The following CREB5 variants were observed in gnomAD, a reference collection of about 807,000 sequenced individuals.
CREB5 encodes cAMP responsive element binding protein 5.
CREB5 carries 19 observed loss-of-function variants against 57.1 expected under a neutral mutation model. The ratio of observed to expected loss-of-function variants is 0.33; its 90% confidence interval spans 0.23 to 0.49. The LOEUF (loss-of-function observed/expected upper bound fraction) is 0.49, where lower values mean the gene tolerates loss of function less well. Ranked by LOEUF, CREB5 falls within the 20% of genes least tolerant of loss-of-function variation. The pLI is 0.99. For missense variants in CREB5, 579 were observed against 671.6 expected, an observed-to-expected ratio of 0.86 and a Z score of 1.52; for synonymous variants, 238 against 238.3, an observed-to-expected ratio of 1.00 and a Z score of 0.01.
intron 1 of CREB5, among the ~76,000 whole-genome samples, chr7:28,431,982 C>T (rs79432029): frequency 0.24 from 30,150 of 124,772 alleles, 4,090 homozygotes; most frequent in South Asian, 0.34. Flanking sequence ...ACAGCTATGC[C>T]TTTTTTTTTT....
At chr7:28,394,054 G>A (rs1787284809) in intron 1 of CREB5, among the ~76,000 whole-genome samples, 1 of 118,490 alleles carries the variant, frequency 8.4e-6, no homozygotes, top group African/African-American at 3.5e-5. Flanking sequence ...CTGGGGGATG[G>A]AGCAAGACTC....
chr7:28,782,439 A>G (rs1807043254), intron 7 of CREB5, among the ~76,000 whole-genome samples: 1 of 152,220 alleles, frequency 6.6e-6, no homozygotes, highest in African/African-American at 2.4e-5. Flanking sequence ...AAATGAGATA[A>G]AATAAGTCAG....
At chr7:28,313,609 G>A (rs1221648063) in intron 1 of CREB5, among the ~76,000 whole-genome samples, 1 of 152,094 alleles carries the variant, frequency 6.6e-6, no homozygotes, top group Non-Finnish European at 1.5e-5. Context: ...TGTGTTTCGG[G>A]GATGGGAGAT....
chr7:28,440,433 T>A (rs758999856), intron 1 of CREB5, among the ~76,000 whole-genome samples: 4 of 152,180 alleles, frequency 2.6e-5, no homozygotes, highest in Admixed American at 6.5e-5. Context: ...TAATATCACA[T>A]GCTTATTGCC....
chr7:28,678,934 A>C lies in CREB5; in HGVS notation c.465-39819A>C, dbSNP rs371036710. Among the ~76,000 whole-genome samples the C allele has an allele frequency of 5.9e-5, 9 of 152,340 alleles. No individual in the cohort carries two copies. The East Asian group carries it at 1.3e-3, about 23-fold the overall frequency. ...AGTTATTAGATAGACACAGAGCTCT[A>C]CAGCTGGAATCCTTGTGGAAAGAAA... On this transcript the variant is annotated intron_variant, in intron 5 of 10. Transcript: ENST00000357727.
intron 7 of CREB5, among the ~76,000 whole-genome samples, chr7:28,803,899 T>G (rs1383330379): frequency 6.6e-6 from 1 of 152,122 alleles, no homozygotes; most frequent in Non-Finnish European, 1.5e-5. Context: ...GATTGGATAA[T>G]AGGAAATACC....
At chr7:28,460,810 G>C (rs55728574) in intron 1 of CREB5, among the ~76,000 whole-genome samples, 17,849 of 152,038 alleles carry the variant, frequency 0.12, 1,545 homozygotes, top group East Asian at 0.43. Context: ...CGGGGGAAGA[G>C]AGAGGAGAAA....
intron 1 of CREB5, among the ~76,000 whole-genome samples, chr7:28,473,395 G>A (rs1290707442): frequency 5.9e-5 from 9 of 152,138 alleles, no homozygotes. Context: ...CTCTTTCAGT[G>A]AACTCTCCAA....
At chr7:28,376,477 C>T (rs187973113) in intron 1 of CREB5, among the ~76,000 whole-genome samples, 1 of 152,012 alleles carries the variant, frequency 6.6e-6, no homozygotes, top group African/African-American at 2.4e-5. Context: ...GCCATGTTGG[C>T]CAGGCTGGTT....
intron 5 of CREB5, among the ~76,000 whole-genome samples, chr7:28,602,417 A>T (rs1450241973): frequency 6.6e-6 from 1 of 152,216 alleles, no homozygotes; most frequent in Non-Finnish European, 1.5e-5. Flanking sequence ...GACTATTTTA[A>T]AATAAAGGTG....
chr7:28,350,460 T>C (rs1055906252), intron 1 of CREB5, among the ~76,000 whole-genome samples: 3 of 152,048 alleles, frequency 2.0e-5, no homozygotes, highest in Admixed American at 1.3e-4. Flanking sequence ...TAAAACTTCA[T>C]AGGAGAGTAC....
At chr7:28,348,523 C>T (rs1285606637) in intron 1 of CREB5, among the ~76,000 whole-genome samples, 1 of 151,968 alleles carries the variant, frequency 6.6e-6, no homozygotes, top group African/African-American at 2.4e-5. Flanking sequence ...AGTAGGGACT[C>T]AATGCTTGGA....
intron 7 of CREB5, among the ~76,000 whole-genome samples, chr7:28,741,178 C>A (rs1804313087): frequency 6.6e-6 from 1 of 152,124 alleles, no homozygotes; most frequent in Admixed American, 6.5e-5. Flanking sequence ...CGTGCGCACT[C>A]ATGGGTGGTG....
rs770965206 is a variant in CREB5 at position 28,819,210 on chromosome 7, C to A, written c.1458C>A (p.Ser486Arg). The A allele has an allele frequency of 6.2e-7, 1 of 1,613,854 alleles. No individual in the cohort carries two copies. The highest frequency in any genetic ancestry group is 1.3e-5 in the African/African-American group (1 of 74,978). Residue 486 changes from serine to arginine, a missense_variant, in exon 11 of 11, where the codon AGC (serine) becomes AGA (arginine). Coordinates refer to ENST00000357727, the MANE Select transcript of CREB5 (RefSeq NM_182898.4). ...CCATCACTACTTCCTCATCGGTCAG[C>A]GAGGTGGTAGGAAGCTCCACCCTCA... Reference protein sequence around the residue: ...HNTITTSSSVSEVVGSSTLSQ... With the variant: ...HNTITTSSSVREVVGSSTLSQ...
intron 1 of CREB5, among the ~76,000 whole-genome samples, chr7:28,421,922 G>A (rs112937561): frequency 2.8e-5 from 1 of 35,342 alleles, no homozygotes; most frequent in African/African-American, 5.2e-5. Context: ...GTGTATGTGT[G>A]TGTATGTGTA....
intron 9 of CREB5, among the ~76,000 whole-genome samples, chr7:28,813,131 T>TG (rs1005467623): frequency 3.9e-5 from 6 of 152,136 alleles, no homozygotes; most frequent in Non-Finnish European, 5.9e-5. Context: ...GTTAGGGAAA[T>TG]GGGGGGTCTT....
intron 5 of CREB5, among the ~76,000 whole-genome samples, chr7:28,580,429 CCACACACACACACACA>C (rs70977058): frequency 1.5e-5 from 2 of 130,878 alleles, no homozygotes; most frequent in South Asian, 5.6e-4. Context: ...TCCCCCCCCA[CCACACACACACACACA>C]CACACACACA....
rs1470982160 is a variant in CREB5 at position 28,412,545 on chromosome 7, T to C, written c.-370T>C. 5.4e-6 allele frequency: 1 copy of C among 184,574 alleles called. No individual in the cohort carries two copies. Among genetic ancestry groups the C allele is most frequent in the Non-Finnish European group, 1.1e-5 (1 of 89,776 alleles). 11.4% of individuals were successfully genotyped at this position (184,574 alleles called of 1,614,324 possible). Reference sequence around the variant, plus strand: ...TCTTCAACATTTACAACAAAGTTGATTCTGTGTAGGGTTGGAGGCTAGACA... The same window carrying C: ...TCTTCAACATTTACAACAAAGTTGACTCTGTGTAGGGTTGGAGGCTAGACA... On this transcript the variant is annotated 5_prime_UTR_variant, in exon 1 of 11. Coordinates refer to ENST00000357727, the MANE Select transcript of CREB5 (RefSeq NM_182898.4).
chr7:28,432,274 C>T (rs569442394), intron 1 of CREB5, among the ~76,000 whole-genome samples: 1 of 152,250 alleles, frequency 6.6e-6, no homozygotes, highest in East Asian at 1.9e-4. Flanking sequence ...TTTCATGTGA[C>T]AGAACTTACA....
Sources: allele counts gnomAD v4.1 joint callset (sites outside exome capture counted in the v4.1 genomes callset), GRCh38; gene constraint gnomAD v4.1.1; transcripts MANE v1.5; gene names NCBI Gene and HGNC (gene_info 2026-07-23, HGNC 2026-07-21).